Variants in LRRTM4 observed in about 807,000 individuals in gnomAD.
LRRTM4 encodes the protein leucine-rich repeat transmembrane neuronal protein 4.
A neutral mutation model predicts 47.6 loss-of-function variants in LRRTM4; 25 were observed. The observed-to-expected ratio is 0.53, with a 90% confidence interval of 0.38 to 0.73. The LOEUF is 0.73. Ranked by LOEUF, LRRTM4 falls within the 30% of genes least tolerant of loss-of-function variation. LRRTM4 has a pLI of 0.00. For synonymous variants in LRRTM4, 311 were observed against 269.5 expected, an observed-to-expected ratio of 1.15 and a Z score of -1.51; for missense variants, 638 against 713.4, an observed-to-expected ratio of 0.89 and a Z score of 1.20.
At chr2:76,882,307 A>G (rs1345665126) in intron 3 of LRRTM4, among the ~76,000 whole-genome samples, 1 of 152,002 alleles carries the variant, frequency 6.6e-6, no homozygotes, top group South Asian at 2.1e-4. Flanking sequence ...ACTTTTACTG[A>G]AACATTATTT....
chr2:76,905,766 T>C (rs1673811522), intron 3 of LRRTM4, among the ~76,000 whole-genome samples: 1 of 150,826 alleles, frequency 6.6e-6, no homozygotes, highest in South Asian at 2.1e-4. Flanking sequence ...ATGAAATGAA[T>C]GAAATGAAGC....
At chr2:77,358,962 A>G (rs538802703) in intron 3 of LRRTM4, among the ~76,000 whole-genome samples, 64 of 152,172 alleles carry the variant, frequency 4.2e-4, no homozygotes, top group Non-Finnish European at 8.1e-4. Context: ...AACTAATACA[A>G]CTTTTTCTTA....
intron 3 of LRRTM4, among the ~76,000 whole-genome samples, chr2:77,513,282 G>T (rs1399112057): frequency 6.6e-6 from 1 of 152,082 alleles, no homozygotes; most frequent in Non-Finnish European, 1.5e-5. Flanking sequence ...ACAAATGAAT[G>T]TAAGTAGCTC....
At chr2:77,454,403 GACTTTTCTTT>G (rs954802547) in intron 3 of LRRTM4, among the ~76,000 whole-genome samples, 51 of 152,224 alleles carry the variant, frequency 3.4e-4, no homozygotes, top group African/African-American at 1.2e-3. Flanking sequence ...GGTTGTTAGT[GACTTTTCTTT>G]ACCGCATTTC....
intron 3 of LRRTM4, among the ~76,000 whole-genome samples, chr2:77,162,510 A>G (rs1436539966): frequency 2.6e-5 from 4 of 152,146 alleles, no homozygotes; most frequent in African/African-American, 9.7e-5. Context: ...TCTGAGATGG[A>G]CAGACTGCCT....
intron 3 of LRRTM4, among the ~76,000 whole-genome samples, chr2:77,407,652 A>G (rs979675405): frequency 1.5e-5 from 2 of 135,666 alleles, no homozygotes; most frequent in South Asian, 4.4e-4. Flanking sequence ...AATATATATT[A>G]TATAATTATA....
At chr2:77,116,002 T>C (rs1307570512) in intron 3 of LRRTM4, among the ~76,000 whole-genome samples, 1 of 152,162 alleles carries the variant, frequency 6.6e-6, no homozygotes, top group Non-Finnish European at 1.5e-5. Flanking sequence ...TCTTTTTGAC[T>C]AGGTATGTCC....
At chr2:76,773,704 G>GA in intron 3 of LRRTM4, among the ~76,000 whole-genome samples, 1 of 150,836 alleles carries the variant, frequency 6.6e-6, no homozygotes, top group South Asian at 2.1e-4. Flanking sequence ...TCTTTACACA[G>GA]AAAAACACAT....
At chr2:77,007,516 T>A (rs923984626) in intron 3 of LRRTM4, among the ~76,000 whole-genome samples, 2 of 152,210 alleles carry the variant, frequency 1.3e-5, no homozygotes, top group Non-Finnish European at 2.9e-5. Context: ...TTCCATTCAC[T>A]GGAGGACCAA....
intron 3 of LRRTM4, among the ~76,000 whole-genome samples, chr2:77,383,646 G>A (rs1673147459): frequency 6.6e-6 from 1 of 152,016 alleles, no homozygotes; most frequent in Non-Finnish European, 1.5e-5. Flanking sequence ...CATATGTTGT[G>A]TCATTTAATA....
At chr2:77,288,347 A>C (rs942480357) in intron 3 of LRRTM4, among the ~76,000 whole-genome samples, 19 of 151,968 alleles carry the variant, frequency 1.3e-4, no homozygotes, top group Admixed American at 1.2e-3. Context: ...AATGATATGA[A>C]AAACTTGTTT....
intron 3 of LRRTM4, among the ~76,000 whole-genome samples, chr2:77,014,503 CAT>C (rs71381251): frequency 0.25 from 34,421 of 139,086 alleles, 5,514 homozygotes; most frequent in East Asian, 0.45. Context: ...TGTGCCCTTT[CAT>C]ATATATATAT....
intron 3 of LRRTM4, among the ~76,000 whole-genome samples, chr2:77,139,554 T>C (rs1266831843): frequency 1.3e-5 from 2 of 152,098 alleles, no homozygotes; most frequent in African/African-American, 2.4e-5. Context: ...AGCATTTCCA[T>C]TGAAAACTGG....
intron 3 of LRRTM4, among the ~76,000 whole-genome samples, chr2:76,843,032 A>G (rs1671733682): frequency 6.6e-6 from 1 of 152,224 alleles, no homozygotes; most frequent in African/African-American, 2.4e-5. Flanking sequence ...ATAAATGGTA[A>G]GGTTTACACA....
intron 3 of LRRTM4, among the ~76,000 whole-genome samples, chr2:77,153,895 TG>T (rs1313560153): frequency 2.0e-5 from 3 of 152,218 alleles, no homozygotes; most frequent in Non-Finnish European, 4.4e-5. Flanking sequence ...AAGCTTATAC[TG>T]GTCCATAGTT....
chr2:77,223,693 C>T (rs1156749735), intron 3 of LRRTM4, among the ~76,000 whole-genome samples: 1 of 152,112 alleles, frequency 6.6e-6, no homozygotes, highest in Non-Finnish European at 1.5e-5. Context: ...CAAACCACTA[C>T]TCAATGAAAT....
intron 3 of LRRTM4, among the ~76,000 whole-genome samples, chr2:76,833,127 T>G (rs1393611252): frequency 6.6e-6 from 1 of 152,104 alleles, no homozygotes; most frequent in Non-Finnish European, 1.5e-5. Context: ...GGTGAGTGAT[T>G]ATGGTTGGAA....
chr2:76,938,339 T>C (rs1036236185), intron 3 of LRRTM4, among the ~76,000 whole-genome samples: 2 of 152,122 alleles, frequency 1.3e-5, no homozygotes, highest in Non-Finnish European at 2.9e-5. Flanking sequence ...TTTTAGATAC[T>C]AGTGATAAAA....
chr2:76,789,588 G>A (rs1382591944), intron 3 of LRRTM4, among the ~76,000 whole-genome samples: 1 of 152,106 alleles, frequency 6.6e-6, no homozygotes, highest in East Asian at 1.9e-4. Flanking sequence ...GTATTTGTTT[G>A]TTTGTTTACT....
Sources: allele counts gnomAD v4.1 joint callset (sites outside exome capture counted in the v4.1 genomes callset), GRCh38; gene constraint gnomAD v4.1.1; transcripts MANE v1.5; gene names NCBI Gene and HGNC (gene_info 2026-07-23, HGNC 2026-07-21).